CITED1: variants seen among roughly 807,000 people sequenced by gnomAD.
CITED1 encodes the protein cbp/p300-interacting transactivator 1.
CITED1 carries 3 observed loss-of-function variants against 8.5 expected under a neutral mutation model. The ratio of observed to expected loss-of-function variants is 0.35; its 90% CI spans 0.16 to 0.91. The LOEUF (loss-of-function observed/expected upper bound fraction) is 0.91. Ranked by LOEUF, CITED1 falls within the 40% of genes least tolerant of loss-of-function variation. The pLI, the probability that CITED1 is intolerant of heterozygous loss-of-function variation, is 0.46. For synonymous variants in CITED1, 54 were observed against 67.4 expected (o/e 0.80, Z 0.97); for missense variants, 113 against 154.8 (o/e 0.73, Z 1.43).
intron 2 of CITED1, among the ~76,000 whole-genome samples, 159 bp from the exon 3 acceptor site, chrX:72,302,403 C>T (rs2043298266): frequency 8.9e-6 from 1 of 111,835 alleles, no homozygotes; most frequent in Non-Finnish European, 1.9e-5. Context: ...CCTCAAGCAT[C>T]CTTTTGCTGC....
chrX:72,305,389 T>G, intron 1 of CITED1: 1 of 931,707 alleles, frequency 1.1e-6, no homozygotes, highest in Non-Finnish European at 1.5e-6. Context: ...TTGGACGCGC[T>G]CTAACCAGAC....
intron 1 of CITED1, among the ~76,000 whole-genome samples, chrX:72,304,735 G>A (rs753724239): frequency 5.4e-5 from 6 of 111,606 alleles, no homozygotes; most frequent in Admixed American, 9.5e-5. Context: ...ATATCAGTTC[G>A]TGGGGGAAGA....
chrX:72,305,023 C>A (rs954298688), intron 1 of CITED1, among the ~76,000 whole-genome samples: 1 of 113,221 alleles, frequency 8.8e-6, no homozygotes, highest in African/African-American at 3.2e-5. Context: ...ACGTCCCAGC[C>A]CGCTCTCCAA....
At chrX:72,305,261 C>CT in intron 1 of CITED1, 1 of 1,152,306 alleles carries the variant, frequency 8.7e-7, no homozygotes, top group African/African-American at 1.8e-5. Flanking sequence ...GGGGCCTCAT[C>CT]TTTAACCTGT....
intron 1 of CITED1, chrX:72,305,429 G>C: frequency 3.2e-6 from 2 of 624,858 alleles, no homozygotes; most frequent in Admixed American, 3.1e-5. Context: ...AAAACTAAAG[G>C]CCCGTTGTTT....
upstream of CITED1, chrX:72,306,579 C>T (rs933374075): frequency 9.0e-6 from 1 of 111,243 alleles, no homozygotes; most frequent in African/African-American, 3.2e-5. Context: ...CCGCCGCCAC[C>T]GCTACCGCGA....
chrX:72,305,661 C>A, intron 1 of CITED1, 164 bp downstream of exon 1: 1 of 199,784 alleles, frequency 5.0e-6, no homozygotes, highest in Non-Finnish European at 9.2e-6. Context: ...CACTCCGGCG[C>A]CGGCTGCTGC....
intron 1 of CITED1, 97 bp from the exon 2 acceptor site, chrX:72,303,031 A>G: frequency 9.9e-7 from 1 of 1,013,140 alleles, no homozygotes; most frequent in Non-Finnish European, 1.3e-6. Flanking sequence ...CGCAGCTATG[A>G]GGCAAGGATG....
chrX:72,302,086 T>C lies in CITED1; in HGVS notation c.219A>G (p.Thr73=). The change falls in exon 3 of 3, where the codon ACA becomes ACG. Residue 73 remains threonine (T), a synonymous_variant. Coordinates refer to ENST00000651998, the MANE Select transcript of CITED1 (RefSeq NM_001144887.2). ...SSSGSPIGSP[T]TTPPTKPPSF... Reference sequence around the variant, plus strand: ...ATGGGGGTTTAGTGGGAGGGGTGGTTGTAGGAGAGCCTATTGGAGATCCCG... The same window carrying C: ...ATGGGGGTTTAGTGGGAGGGGTGGTCGTAGGAGAGCCTATTGGAGATCCCG... The C allele has an allele frequency of 1.7e-6, 2 of 1,189,263 alleles. No homozygotes were observed. The highest frequency in any genetic ancestry group is 2.3e-6 in the Non-Finnish European group (2 of 883,815).
At chrX:72,306,370 C>T (rs2043339664), upstream of CITED1, 1 of 111,199 alleles carries the variant, frequency 9.0e-6, no homozygotes, top group African/African-American at 3.3e-5. Flanking sequence ...GCAAGTCTCC[C>T]CAGAACCCTC....
intron 2 of CITED1, 123 bp from the exon 3 acceptor site, chrX:72,302,367 C>A (rs898119670): frequency 3.5e-6 from 3 of 862,538 alleles, no homozygotes. Flanking sequence ...GGTAGCAAGA[C>A]GACCCCCTTG....
chrX:72,303,340 C>T (rs1002746540), intron 1 of CITED1, among the ~76,000 whole-genome samples: 1 of 112,560 alleles, frequency 8.9e-6, no homozygotes, highest in Non-Finnish European at 1.9e-5. Flanking sequence ...TTGGGGCCTC[C>T]ACTGGGACTG....
In CITED1 at chrX:72,302,110, C is replaced by T. The variant is rs148375781; in HGVS notation, c.195G>A (p.Ser65=). The change falls in exon 3 of 3, where the codon TCG becomes TCA. Residue 65 remains serine, a synonymous_variant. Transcript: ENST00000651998. ...TKASGAPTSS[S]GSPIGSPTTT... ...TTGTAGGAGAGCCTATTGGAGATCCCGAGGAACTAGTGGGAGCCCCACTGG... is the reference window on the plus strand; with the variant it reads ...TTGTAGGAGAGCCTATTGGAGATCCTGAGGAACTAGTGGGAGCCCCACTGG... 1,193 of 1,186,691 alleles carry T rather than the reference C, an allele frequency of 1.0e-3. 1 individual carries two copies. The highest frequency in any genetic ancestry group is 1.3e-3 in the Non-Finnish European group (1,141 of 882,959).
chrX:72,302,349 G>C, intron 2 of CITED1, 105 bp from the exon 3 acceptor site: 1 of 953,449 alleles, frequency 1.0e-6, no homozygotes, highest in South Asian at 2.5e-5. Context: ...TGGGACTAGA[G>C]GTGGAGAGGT....
Position 72,301,880 on chromosome X carries a change from G to C in CITED1, c.425C>G (p.Ala142Gly). 8.2e-7 allele frequency: 1 copy of C among 1,212,131 alleles called. No individual in the cohort carries two copies. Among genetic ancestry groups the C allele is most frequent in the East Asian group, 3.0e-5 (1 of 33,846 alleles). ...CGAATCGATGATAGCAGGGCTCTGG[G>C]CACCAGCAGAAGGAGAGAGTGATTC... ...GAESLSPSAG[A>G]QSPAIIDSDP... is the part of the protein sequence containing the mutation. The change falls in exon 3 of 3, where the codon GCC becomes GGC. Residue 142 changes from alanine (A) to glycine (G), a missense_variant. Coordinates refer to ENST00000651998, the MANE Select transcript of CITED1 (RefSeq NM_001144887.2).
chrX:72,304,599 C>T (rs1226689325), intron 1 of CITED1, among the ~76,000 whole-genome samples: 3 of 111,356 alleles, frequency 2.7e-5, no homozygotes, highest in Non-Finnish European at 5.7e-5. Context: ...TCCTTTTTGC[C>T]GCTTGGTACC....
intron 1 of CITED1, chrX:72,305,593 A>G (rs1226059449): frequency 7.1e-6 from 2 of 280,451 alleles, no homozygotes; most frequent in Non-Finnish European, 1.3e-5. Context: ...AACTGATCTT[A>G]GAGACAGGAT....
chrX:72,306,760 GGGCGGT>G (rs1266329932), upstream of CITED1: 11 of 95,519 alleles, frequency 1.2e-4, no homozygotes, highest in South Asian at 3.1e-3. Flanking sequence ...CCGGACTCCG[GGGCGGT>G]GGCGGTGGCG....
At chrX:72,305,626 G>A (rs1284126704) in intron 1 of CITED1, 199 bp downstream of exon 1, 8 of 220,334 alleles carry the variant, frequency 3.6e-5, no homozygotes, top group African/African-American at 5.9e-5. Flanking sequence ...AGGGGCACGG[G>A]GTGTCGGCCT....
Sources: allele counts gnomAD v4.1 joint callset (sites outside exome capture counted in the v4.1 genomes callset), GRCh38; gene constraint gnomAD v4.1.1; transcripts MANE v1.5; gene names NCBI Gene and HGNC (gene_info 2026-07-23, HGNC 2026-07-21).